Variants in FGGY observed in about 807,000 individuals in gnomAD.
The protein encoded by FGGY is FGGY carbohydrate kinase domain containing.
Under a neutral mutation model 71.3 loss-of-function variants are expected in FGGY, and 72 were observed. That is an observed-to-expected ratio of 1.01 (90% CI 0.84 to 1.23). The LOEUF (loss-of-function observed/expected upper bound fraction) is 1.23, where lower values mean the gene tolerates loss of function less well. Among genes scored for constraint, FGGY ranks in the 50% most tolerant of loss-of-function variants. The probability of loss-of-function intolerance (pLI) is 0.00; values close to 1 mark genes in which losing one functional copy is unlikely to be tolerated. For missense variants in FGGY, 668 were observed against 682.3 expected, an observed-to-expected ratio of 0.98 and a Z score of 0.23; for synonymous variants, 251 against 250.3, an observed-to-expected ratio of 1.00 and a Z score of -0.02.
intron 14 of FGGY, among the ~76,000 whole-genome samples, chr1:59,693,901 G>C (rs979906194): frequency 6.6e-6 from 1 of 152,134 alleles, no homozygotes; most frequent in Non-Finnish European, 1.5e-5. Flanking sequence ...CAGCTACTCG[G>C]GAGGCTGAGG....
rs191586557 is a variant in FGGY, at chr1:59,695,017, G to A, written c.1512+20884G>A. ...CCAAAATTGGGAAATGTTGATGTAA[G>A]CCCATAGCCAAGACAATCAAGCCTT... On this transcript the variant is annotated intron_variant, in intron 14 of 15. Coordinates refer to ENST00000303721, the MANE Select transcript of FGGY (RefSeq NM_018291.5). Among the ~76,000 whole-genome samples, 12 of 152,264 alleles carry A rather than the reference G, an allele frequency of 7.9e-5. No individual in the cohort carries two copies. In the East Asian group the frequency reaches 2.3e-3, roughly 29 times the overall value.
At chr1:59,510,360 G>A (rs1342572067) in intron 6 of FGGY, among the ~76,000 whole-genome samples, 2 of 152,182 alleles carry the variant, frequency 1.3e-5, no homozygotes, top group African/African-American at 4.8e-5. Context: ...TGTCCTTAGT[G>A]CAGTCCCTAG....
intron 4 of FGGY, among the ~76,000 whole-genome samples, chr1:59,367,187 A>G (rs1028089011): frequency 7.2e-5 from 11 of 152,186 alleles, no homozygotes; most frequent in African/African-American, 2.7e-4. Flanking sequence ...TGCCTATCTG[A>G]CTTGAAATAT....
intron 4 of FGGY, among the ~76,000 whole-genome samples, chr1:59,358,437 G>C (rs1383166722): frequency 6.6e-6 from 1 of 152,018 alleles, no homozygotes; most frequent in Admixed American, 6.6e-5. Flanking sequence ...TTATCTCAAG[G>C]AATTCCCATA....
chr1:59,303,192 A>G (rs1557482280), intron 1 of FGGY, among the ~76,000 whole-genome samples: 1 of 152,224 alleles, frequency 6.6e-6, no homozygotes. Flanking sequence ...ATCAACTGTA[A>G]TCACTATGTT....
At chr1:59,519,885 A>G (rs894198859) in intron 7 of FGGY, among the ~76,000 whole-genome samples, 3 of 152,226 alleles carry the variant, frequency 2.0e-5, no homozygotes, top group African/African-American at 7.2e-5. Flanking sequence ...AGGTTCATAT[A>G]TCTTTTCTCT....
chr1:59,527,192 A>G (rs2095012173), intron 7 of FGGY, among the ~76,000 whole-genome samples: 1 of 152,244 alleles, frequency 6.6e-6, no homozygotes, highest in Non-Finnish European at 1.5e-5. Context: ...TAAAGTAGTA[A>G]AAAGATACCA....
intron 8 of FGGY, among the ~76,000 whole-genome samples, chr1:59,599,686 CAAAAAAAA>C: frequency 2.0e-5 from 1 of 49,458 alleles, no homozygotes; most frequent in South Asian, 7.7e-4. Flanking sequence ...GAGCAAGACT[CAAAAAAAA>C]AAAAAAAAAA....
At chr1:59,512,581 A>T in intron 7 of FGGY, 142 bp downstream of exon 7, 1 of 734,788 alleles carries the variant, frequency 1.4e-6, no homozygotes, top group Non-Finnish European at 2.0e-6. Flanking sequence ...GCCTTTTTAC[A>T]GCTAGGCATT....
At chr1:59,518,899 T>A (rs943576887) in intron 7 of FGGY, among the ~76,000 whole-genome samples, 2 of 152,200 alleles carry the variant, frequency 1.3e-5, no homozygotes, top group African/African-American at 4.8e-5. Context: ...ACAAAACACA[T>A]CTATGTTCAT....
chr1:59,568,468 G>GA (rs1461628370), intron 8 of FGGY, among the ~76,000 whole-genome samples: 1 of 133,064 alleles, frequency 7.5e-6, no homozygotes, highest in Non-Finnish European at 1.6e-5. Flanking sequence ...GGGGGGCGGG[G>GA]GGGGGTGTTC....
At chr1:59,536,499 T>A (rs1026609175) in intron 7 of FGGY, among the ~76,000 whole-genome samples, 10 of 152,192 alleles carry the variant, frequency 6.6e-5, no homozygotes, top group Non-Finnish European at 1.2e-4. Flanking sequence ...ATCATCCTGA[T>A]ACCAAAGCCA....
intron 8 of FGGY, among the ~76,000 whole-genome samples, chr1:59,599,717 A>G (rs1225101533): frequency 2.7e-5 from 4 of 150,086 alleles, no homozygotes; most frequent in African/African-American, 7.3e-5. Flanking sequence ...AGGAATATGT[A>G]TAAGTTAGCT....
intron 9 of FGGY, among the ~76,000 whole-genome samples, chr1:59,612,312 A>G (rs2096693473): frequency 6.6e-6 from 1 of 152,246 alleles, no homozygotes; most frequent in East Asian, 1.9e-4. Flanking sequence ...CAGAAACTCT[A>G]CAAGCCAGAA....
At chr1:59,665,578 C>G (rs1473159886) in intron 12 of FGGY, among the ~76,000 whole-genome samples, 4 of 152,136 alleles carry the variant, frequency 2.6e-5, no homozygotes, top group Admixed American at 6.5e-5. Flanking sequence ...TGACAGCTCC[C>G]CAGACAGCCT....
At chr1:59,514,813 G>A (rs1324624483) in intron 7 of FGGY, among the ~76,000 whole-genome samples, 1 of 152,156 alleles carries the variant, frequency 6.6e-6, no homozygotes, top group African/African-American at 2.4e-5. Flanking sequence ...GACCTCCCCA[G>A]CCATGTGGAA....
chr1:59,599,670 G>C (rs2096557648), intron 8 of FGGY, among the ~76,000 whole-genome samples: 3 of 148,824 alleles, frequency 2.0e-5, no homozygotes, highest in Non-Finnish European at 4.4e-5. Context: ...CTTCAGCTGG[G>C]GGACAGAGCA....
intron 5 of FGGY, among the ~76,000 whole-genome samples, chr1:59,401,282 G>GT (rs1430822252): frequency 6.6e-6 from 1 of 152,098 alleles, no homozygotes; most frequent in African/African-American, 2.4e-5. Context: ...CCATAAGTAG[G>GT]TTTTTTCACC....
chr1:59,330,441 C>T lies in FGGY; in HGVS notation c.201+8691C>T, dbSNP rs537127645. 7.2e-5 allele frequency among the ~76,000 whole-genome samples: 11 copies of T among 151,950 alleles called. No homozygotes were observed. The East Asian group carries it at 1.4e-3, about 19-fold the overall frequency. Reference sequence around the variant, plus strand: ...AAAATTAGCTGGGCGTGGTGGTGTGCGCCTGTAATCCCAACTACTGAGGAG... The same window carrying T: ...AAAATTAGCTGGGCGTGGTGGTGTGTGCCTGTAATCCCAACTACTGAGGAG... On this transcript the variant is annotated intron_variant, in intron 2 of 15. Coordinates refer to ENST00000303721, the MANE Select transcript of FGGY (RefSeq NM_018291.5).
Sources: allele counts gnomAD v4.1 joint callset (sites outside exome capture counted in the v4.1 genomes callset), GRCh38; gene constraint gnomAD v4.1.1; transcripts MANE v1.5; gene names NCBI Gene and HGNC (gene_info 2026-07-23, HGNC 2026-07-21).